The following FHL3 variants were observed in gnomAD, a reference collection of about 807,000 sequenced individuals.
FHL3 encodes the protein four and a half LIM domains protein 3.
FHL3 carries 21 observed loss-of-function variants against 34.3 expected under a neutral mutation model. That is an observed-to-expected ratio of 0.61 (90% CI 0.43 to 0.88). The LOEUF (loss-of-function observed/expected upper bound fraction) is 0.88, where lower values mean the gene tolerates loss of function less well. FHL3 is among the 40% of genes least tolerant of loss of function. The pLI, the probability that FHL3 is intolerant of heterozygous loss-of-function variation, is 0.00. For synonymous variants in FHL3, 137 were observed against 144.6 expected (o/e 0.95, Z 0.38); for missense variants, 333 against 373.7 (o/e 0.89, Z 0.90).
At chr1:38,003,488 A>C (rs1646615192) in intron 1 of FHL3, among the ~76,000 whole-genome samples, 1 of 152,168 alleles carries the variant, frequency 6.6e-6, no homozygotes, top group Non-Finnish European at 1.5e-5. Flanking sequence ...TGCTGAGGAC[A>C]CCAGTGGGGA....
At position 37,997,645 on chromosome 1, in the gene FHL3, C is replaced by T. The variant is rs758666706; in HGVS notation, c.688+39G>A. On this transcript the variant is annotated intron_variant, in intron 5 of 5. Coordinates refer to ENST00000373016, the MANE Select transcript of FHL3 (RefSeq NM_004468.5). The surrounding 1 kb of genome is among the most constrained non-coding windows in gnomAD (Gnocchi z 4.3). ...CCAATACCACATCCCACTCCCTTGC[C>T]TGCACCCTACCCACTCCGTTCTTTG... 6.2e-6 allele frequency: 10 copies of T among 1,612,546 alleles called. No individual in the cohort carries two copies. The South Asian group carries it at 8.8e-5, about 14-fold the overall frequency.
In FHL3 at chr1:37,999,018, G is replaced by A. The variant is rs142528167; in HGVS notation, c.287C>T (p.Ala96Val). 1.2e-3 allele frequency: 1,887 copies of A among 1,614,246 alleles called. 6 individuals are homozygous for A. The Middle Eastern group carries it at 0.016, about 14-fold the overall frequency. The change falls in exon 3 of 6, where the codon GCG (alanine) becomes GTG (valine). Residue 96 changes from alanine (A) to valine (V), a missense_variant. Transcript: ENST00000373016. ...ELLCNDCYCSAFSSQCSACGE... is the reference protein window; with the variant it reads ...ELLCNDCYCSVFSSQCSACGE... Reference sequence around the variant, plus strand: ...ACAAGCGGAGCACTGCGAGGAAAACGCACTGCAGTAGCAGTCATTGCAGAG... The same window carrying A: ...ACAAGCGGAGCACTGCGAGGAAAACACACTGCAGTAGCAGTCATTGCAGAG...
chr1:37,999,084 G>A lies in FHL3; in HGVS notation c.221C>T (p.Ser74Leu). 1 of 1,614,220 alleles carries A rather than the reference G, an allele frequency of 6.2e-7. No individual in the cohort carries two copies. The highest frequency in any genetic ancestry group is 8.5e-7 in the Non-Finnish European group (1 of 1,180,052). Residue 74 changes from serine (S) to leucine (L), a missense_variant, in exon 3 of 6, where the codon TCA becomes TTA. Ser to Leu is a moderately radical substitution (Grantham distance 145). Transcript: ENST00000373016. ...GCAGGTGAAGGGTTCATCGGCTAGT[G>A]AGCGCTGGCAGCGGCAGCAGCGGAA... ...GCFRCCRCQR[S>L]LADEPFTCQD... is the part of the protein sequence containing the mutation.
In FHL3 at chr1:37,998,131, C is replaced by T; in HGVS notation, c.333G>A (p.Gly111=). The T allele has an allele frequency of 6.2e-7, 1 of 1,613,852 alleles. No individual in the cohort carries two copies. The highest frequency in any genetic ancestry group is 8.5e-7 in the Non-Finnish European group (1 of 1,179,872). ...GGCCTCCATATTCCAGCTTCCGGGA[C>T]CCTGTGGGGAACAGGGGTCCCATTT... is the stretch of plus-strand genomic sequence containing the variant. The part of the protein sequence containing the change: ...CSACGETVMP[G]SRKLEYGGQT... Residue 111 remains glycine (G), a splice_region_variant and synonymous_variant, in exon 4 of 6, where the codon GGG becomes GGA. Transcript: ENST00000373016.
At position 37,999,425 on chromosome 1, in the gene FHL3, A is replaced by G. The variant is rs146228846; in HGVS notation, c.-13T>C. On this transcript the variant is annotated 5_prime_UTR_variant, in exon 2 of 6. Transcript: ENST00000373016. ...ATGACTCGCTCATGGTGGCAAGGGG[A>G]GAGAACCCTGTTAGGAGCACAAGGT... 5,032 of 1,613,766 alleles carry G rather than the reference A, an allele frequency of 3.1e-3. 16 individuals carry two copies. Among genetic ancestry groups the G allele is most frequent in the Non-Finnish European group, 3.7e-3 (4,368 of 1,179,910 alleles).
Position 37,997,623 on chromosome 1 carries a change from A to G in FHL3, c.688+61T>C. Reference sequence around the variant, plus strand: ...ATGGTCCGGCCCTCAACCTCACCCAATACCACATCCCACTCCCTTGCCTGC... The same window carrying G: ...ATGGTCCGGCCCTCAACCTCACCCAGTACCACATCCCACTCCCTTGCCTGC... On this transcript the variant is annotated intron_variant, in intron 5 of 5. Transcript: ENST00000373016. The surrounding 1 kb of genome is among the most constrained non-coding windows in gnomAD (Gnocchi z 4.3). 5.6e-6 allele frequency: 9 copies of G among 1,611,974 alleles called. No individual in the cohort carries two copies. Among genetic ancestry groups the G allele is most frequent in the Admixed American group, 1.7e-5 (1 of 59,950 alleles).
At position 37,999,260 on chromosome 1, in the gene FHL3, C is replaced by T. The variant is rs143509423; in HGVS notation, c.153G>A (p.Ser51=). 140 of 1,614,218 alleles carry T rather than the reference C, an allele frequency of 8.7e-5. No homozygotes were observed. In the African/African-American group the frequency reaches 1.2e-3, roughly 14 times the overall value. ...CCTGGCCTGGCCCTCTCCTTACCCT[C>T]GAGTCATGCCCGATAAGCTGCTGGC... The part of the protein sequence containing the change: ...AECQQLIGHD[S]RELFYEDRHF... The change falls in exon 2 of 6, where the codon TCG becomes TCA. Residue 51 remains serine (S), a synonymous_variant. Coordinates refer to ENST00000373016, the MANE Select transcript of FHL3 (RefSeq NM_004468.5).
At position 37,999,154 on chromosome 1, in the gene FHL3, G is replaced by A. The variant is rs1176927701; in HGVS notation, c.157-6C>T. ...CGGTCTTCATAGAACAGCTCCTGTG[G>A]GGAACACAGCAGGGGCACTGGCACC... is the stretch of plus-strand genomic sequence containing the variant. On this transcript the variant is annotated splice_region_variant and splice_polypyrimidine_tract_variant and intron_variant, in intron 2 of 5. Transcript: ENST00000373016. 1 of 1,614,176 alleles carries A rather than the reference G, an allele frequency of 6.2e-7. No individual in the cohort carries two copies. Among genetic ancestry groups the A allele is most frequent in the Admixed American group, 1.7e-5 (1 of 60,018 alleles).
chr1:37,997,799 GCATCCGGTACAGACCAGA>G lies in FHL3; in HGVS notation c.555_572del (p.Leu186_Cys191del), dbSNP rs1311449541. The G allele has an allele frequency of 1.2e-6, 2 of 1,614,116 alleles. No individual in the cohort carries two copies. The highest frequency in any genetic ancestry group is 1.7e-6 in the Non-Finnish European group (2 of 1,179,988). ...ACTGCTGCCCTGCCAGGGGCGTCTG[GCATCCGGTACAGACCAGA>G]CATTCTCGATGCCACGGCTGATCAC... is the stretch of plus-strand genomic sequence containing the variant. On this transcript the variant is annotated inframe_deletion, in exon 5 of 6. Coordinates refer to ENST00000373016, the MANE Select transcript of FHL3 (RefSeq NM_004468.5). This position sits in a 1 kb window ranked among gnomAD's most constrained non-coding sequence, Gnocchi z 4.3.
In FHL3 at chr1:37,999,059, G is replaced by C; in HGVS notation, c.246C>G (p.Cys82Trp). The C allele has an allele frequency of 6.2e-7, 1 of 1,614,258 alleles. No homozygotes were observed. The highest frequency in any genetic ancestry group is 8.5e-7 in the Non-Finnish European group (1 of 1,180,046). Reference protein sequence around the residue: ...QRSLADEPFTCQDSELLCNDC... With the variant: ...QRSLADEPFTWQDSELLCNDC... The stretch of plus-strand genomic sequence containing the variant: ...CATTGCAGAGCAGCTCACTGTCCTG[G>C]CAGGTGAAGGGTTCATCGGCTAGTG... The change falls in exon 3 of 6, where the codon TGC (cysteine) becomes TGG (tryptophan). Residue 82 changes from cysteine to tryptophan, a missense_variant. By Grantham distance (215) the Cys-to-Trp change is radical. Coordinates refer to ENST00000373016, the MANE Select transcript of FHL3 (RefSeq NM_004468.5).
chr1:38,001,680 G>A (rs1311181447), intron 1 of FHL3, among the ~76,000 whole-genome samples: 1 of 152,206 alleles, frequency 6.6e-6, no homozygotes, highest in Non-Finnish European at 1.5e-5. Flanking sequence ...CCGGCAGTGG[G>A]GCGGGGTTTG....
chr1:38,000,532 T>A (rs946879865), intron 1 of FHL3, among the ~76,000 whole-genome samples: 2 of 151,496 alleles, frequency 1.3e-5, no homozygotes, highest in Admixed American at 1.3e-4. Context: ...GGGTGGGGAG[T>A]AGGACAAGGG....
At chr1:38,001,262 T>A (rs1646591148) in intron 1 of FHL3, among the ~76,000 whole-genome samples, 1 of 152,238 alleles carries the variant, frequency 6.6e-6, no homozygotes, top group Non-Finnish European at 1.5e-5. Flanking sequence ...GGCCCAGGTT[T>A]CCTCTGGCCC....
Position 37,997,752 on chromosome 1 carries a change from G to A in FHL3, c.620C>T (p.Pro207Leu), listed in dbSNP as rs1646549278. ...TTCTCCAAAACAGGCCACACAGTAG[G>A]GATCTTCATCCCGGGAGGTGAACTG... is the stretch of plus-strand genomic sequence containing the variant. ...GQQFTSRDEDPYCVACFGELF... is the reference protein window; with the variant it reads ...GQQFTSRDEDLYCVACFGELF... The change falls in exon 5 of 6, where the codon CCC (proline) becomes CTC (leucine). Residue 207 changes from proline to leucine, a missense_variant. Transcript: ENST00000373016. This position sits in a 1 kb window ranked among gnomAD's most constrained non-coding sequence, Gnocchi z 4.3. 1 of 1,614,062 alleles carries A rather than the reference G, an allele frequency of 6.2e-7. No individual in the cohort carries two copies. Among genetic ancestry groups the A allele is most frequent in the Admixed American group, 1.7e-5 (1 of 60,008 alleles).
chr1:38,003,923 T>C (rs1646619207), intron 1 of FHL3, among the ~76,000 whole-genome samples: 1 of 152,126 alleles, frequency 6.6e-6, no homozygotes, highest in South Asian at 2.1e-4. Context: ...GCCTTTCCAA[T>C]GCCCCATGCC....
chr1:37,999,472 G>A, intron 1 of FHL3, 40 bp from the exon 2 acceptor site: 23 of 1,592,646 alleles, frequency 1.4e-5, no homozygotes, highest in Non-Finnish European at 2.0e-5. Flanking sequence ...CACACAGAGA[G>A]GCTGTGGCTT....
At chr1:37,998,948 C>T in intron 3 of FHL3, 26 bp downstream of exon 3, 1 of 1,607,704 alleles carries the variant, frequency 6.2e-7, no homozygotes, top group East Asian at 2.2e-5. Context: ...CCAGTTCTCA[C>T]ACAAGATGAG....
chr1:38,002,026 T>C (rs1484204877), intron 1 of FHL3, among the ~76,000 whole-genome samples: 2 of 152,148 alleles, frequency 1.3e-5, no homozygotes, highest in Non-Finnish European at 2.9e-5. Flanking sequence ...AGTATTTTAC[T>C]ATTAGCGCCC....
At position 37,997,506 on chromosome 1, in the gene FHL3, AG is replaced by A. The variant is rs1378327857; in HGVS notation, c.741del (p.Cys248AlafsTer102). ...VSFEDRHWHH[N>X]CFSCARCSTS... is the part of the protein sequence containing the mutation. ...GTAGAGCAGCGGGCGCAGGAGAAGC[AG>A]TTGTGGTGCCAGTGTCGGTCTTCAA... On this transcript the variant is annotated frameshift_variant, in exon 6 of 6. Transcript: ENST00000373016. LOFTEE classifies it high-confidence loss of function. The surrounding 1 kb of genome is among the most constrained non-coding windows in gnomAD (Gnocchi z 4.3). 6.2e-7 allele frequency: 1 copy of A among 1,612,666 alleles called. No homozygotes were observed.
Sources: gnomAD v4.1 joint callset for allele counts (sites outside exome capture counted in the v4.1 genomes callset) on GRCh38, gnomAD v4.1.1 for gene constraint, Gnocchi (gnomAD v3.1) non-coding constraint, MANE v1.5 for transcripts, NCBI Gene and HGNC (gene_info 2026-07-23, HGNC 2026-07-21) for gene names.